The following QTMAN variants were observed in gnomAD, a reference collection of about 807,000 sequenced individuals.
QTMAN encodes tRNA-queuosine alpha-mannosyltransferase.
the QTMAN span, among the ~76,000 whole-genome samples, chr2:144,273,603 T>C: frequency 6.6e-6 from 1 of 152,188 alleles, no homozygotes; most frequent in Non-Finnish European, 1.5e-5. Context: ...TGGTCTTATA[T>C]GGAGTAAATT....
At chr2:144,332,619 A>C in the QTMAN span, 1 of 150,438 alleles carries the variant, frequency 6.6e-6, no homozygotes, top group African/African-American at 2.4e-5. Context: ...CCGCCCGCGC[A>C]ATCGAGGCTC....
the QTMAN span, among the ~76,000 whole-genome samples, chr2:144,249,973 G>A: frequency 6.6e-6 from 1 of 152,092 alleles, no homozygotes; most frequent in East Asian, 1.9e-4. Flanking sequence ...AAGCAGATCA[G>A]CAATTGTCTG....
chr2:144,193,386 T>C, the QTMAN span, among the ~76,000 whole-genome samples: 1 of 149,020 alleles, frequency 6.7e-6, no homozygotes, highest in Non-Finnish European at 1.5e-5. Flanking sequence ...AATCCATTAC[T>C]ACACCTATTA....
the QTMAN span, among the ~76,000 whole-genome samples, chr2:144,174,661 C>G: frequency 6.6e-6 from 1 of 152,072 alleles, no homozygotes; most frequent in Non-Finnish European, 1.5e-5. Context: ...GCAGGATTTT[C>G]CCATGCTATT....
At chr2:144,102,441 T>C in the QTMAN span, among the ~76,000 whole-genome samples, 295 of 152,370 alleles carry the variant, frequency 1.9e-3, 1 homozygote, top group Non-Finnish European at 2.2e-3. Context: ...GGGGTTGTTT[T>C]ACTTTTGACG....
the QTMAN span, among the ~76,000 whole-genome samples, chr2:144,165,898 T>C: frequency 3.3e-5 from 5 of 152,256 alleles, no homozygotes; most frequent in Admixed American, 3.3e-4. Context: ...AACTTTTACA[T>C]AGTGAAGGCT....
chr2:144,271,991 C>T, the QTMAN span, among the ~76,000 whole-genome samples: 4 of 152,282 alleles, frequency 2.6e-5, no homozygotes, highest in South Asian at 2.1e-4. Context: ...ATGTGTATCA[C>T]TTCTACCACT....
the QTMAN span, among the ~76,000 whole-genome samples, chr2:144,051,599 A>G: frequency 1.3e-5 from 2 of 152,196 alleles, no homozygotes; most frequent in African/African-American, 4.8e-5. Flanking sequence ...TGAGAGTTGC[A>G]AAAGAGAACA....
the QTMAN span, chr2:144,145,457 C>T: frequency 3.3e-4 from 214 of 650,182 alleles, no homozygotes; most frequent in African/African-American, 3.3e-3. Context: ...TTTGCACCTA[C>T]CTTATGGTGT....
the QTMAN span, among the ~76,000 whole-genome samples, chr2:144,312,777 G>T: frequency 5.3e-5 from 8 of 152,264 alleles, no homozygotes; most frequent in African/African-American, 1.9e-4. Context: ...CCTGAGATCT[G>T]ATGGTTTACA....
At chr2:144,056,019 G>A in the QTMAN span, among the ~76,000 whole-genome samples, 12 of 152,106 alleles carry the variant, frequency 7.9e-5, no homozygotes, top group East Asian at 3.9e-4. Flanking sequence ...CACCTGCTTC[G>A]GATGGTTATT....
At chr2:144,252,429 G>A in the QTMAN span, among the ~76,000 whole-genome samples, 5 of 152,024 alleles carry the variant, frequency 3.3e-5, no homozygotes, top group African/African-American at 9.7e-5. Context: ...CAAAAGCTCT[G>A]AACAAACACT....
the QTMAN span, among the ~76,000 whole-genome samples, chr2:144,063,889 T>TG: frequency 1.8e-3 from 269 of 152,278 alleles, no homozygotes; most frequent in African/African-American, 6.2e-3. Context: ...GAGAAGCTAA[T>TG]GGGAAATTTA....
chr2:144,202,512 C>T, the QTMAN span, among the ~76,000 whole-genome samples: 1 of 152,160 alleles, frequency 6.6e-6, no homozygotes, highest in Non-Finnish European at 1.5e-5. Flanking sequence ...TAGTCTCAAT[C>T]ATTATGTTAA....
At chr2:144,210,426 T>C in the QTMAN span, among the ~76,000 whole-genome samples, 3 of 152,190 alleles carry the variant, frequency 2.0e-5, no homozygotes, top group Non-Finnish European at 4.4e-5. Flanking sequence ...CCATTTTAAG[T>C]TCAGTAATTT....
chr2:144,216,488 T>A, the QTMAN span, among the ~76,000 whole-genome samples: 1 of 152,170 alleles, frequency 6.6e-6, no homozygotes. Context: ...TTAACACAGG[T>A]TCTCAGCAAC....
chr2:144,235,129 A>G, the QTMAN span, among the ~76,000 whole-genome samples: 2 of 152,200 alleles, frequency 1.3e-5, no homozygotes, highest in Admixed American at 1.3e-4. Flanking sequence ...CAGGCAAGGC[A>G]TTCATGTAGT....
At chr2:144,258,358 C>A in the QTMAN span, among the ~76,000 whole-genome samples, 4 of 151,926 alleles carry the variant, frequency 2.6e-5, no homozygotes, top group African/African-American at 7.3e-5. Context: ...AAACTGAATT[C>A]AAAGTAATTA....
At chr2:143,956,746 G>A in the QTMAN span, among the ~76,000 whole-genome samples, 1 of 152,020 alleles carries the variant, frequency 6.6e-6, no homozygotes, top group African/African-American at 2.4e-5. Context: ...CTGTTCATGT[G>A]CACAAGACAT....
Sources: allele counts gnomAD v4.1 joint callset (sites outside exome capture counted in the v4.1 genomes callset), GRCh38; gene constraint gnomAD v4.1.1; transcripts MANE v1.5; gene names NCBI Gene and HGNC (gene_info 2026-07-23, HGNC 2026-07-21).